Variants in NPHP3 observed in about 807,000 individuals in gnomAD.
NPHP3 encodes nephrocystin-3.
NPHP3 carries 123 observed loss-of-function variants against 171.9 expected under a neutral mutation model. The ratio of observed to expected loss-of-function variants is 0.72; its 90% CI spans 0.62 to 0.83. The LOEUF (loss-of-function observed/expected upper bound fraction) is 0.83, where lower values mean the gene tolerates loss of function less well. Among genes scored for constraint, NPHP3 ranks in the 40% least tolerant of loss-of-function variants. The probability of loss-of-function intolerance (pLI) is 0.00; values close to 1 mark genes in which losing one functional copy is unlikely to be tolerated. For synonymous variants in NPHP3, 558 were observed against 579.2 expected (o/e 0.96, Z 0.52); for missense variants, 1,506 against 1,591.9 (o/e 0.95, Z 0.92).
chr3:132,703,117 T>C (rs1203539988), intron 9 of NPHP3, among the ~76,000 whole-genome samples: 2 of 152,254 alleles, frequency 1.3e-5, no homozygotes, highest in African/African-American at 4.8e-5. Context: ...GCACTTTATG[T>C]GCATTATCTG....
At chr3:132,694,508 A>G (rs954222581) in intron 16 of NPHP3, among the ~76,000 whole-genome samples, 1 of 152,078 alleles carries the variant, frequency 6.6e-6, no homozygotes, top group Non-Finnish European at 1.5e-5. Context: ...ATTTTCTAAT[A>G]AAGGATTTGT....
intron 21 of NPHP3, among the ~76,000 whole-genome samples, chr3:132,688,323 C>T (rs1333408486): frequency 6.6e-6 from 1 of 152,152 alleles, no homozygotes; most frequent in East Asian, 1.9e-4. Context: ...ATTCTGAAAT[C>T]TGAACAAATC....
intron 12 of NPHP3, 26 bp downstream of exon 12, chr3:132,699,892 A>G: frequency 6.2e-7 from 1 of 1,611,788 alleles, no homozygotes; most frequent in South Asian, 1.1e-5. Context: ...TGAGCATATC[A>G]ATAGGTAACA....
At chr3:132,706,797 G>C (rs1169205532) in intron 7 of NPHP3, among the ~76,000 whole-genome samples, 1 of 152,070 alleles carries the variant, frequency 6.6e-6, no homozygotes, top group African/African-American at 2.4e-5. Flanking sequence ...AGAATAAATA[G>C]AATAAAAAAG....
intron 23 of NPHP3, 99 bp downstream of exon 23, chr3:132,686,161 C>A (rs1421682503): frequency 7.4e-7 from 1 of 1,348,518 alleles, no homozygotes; most frequent in Non-Finnish European, 1.1e-6. Context: ...TGGTTTTTAT[C>A]ATTTTTTTTC....
chr3:132,713,264 C>G lies in NPHP3; in HGVS notation c.980G>C (p.Arg327Thr). The change falls in exon 6 of 27, where the codon AGA becomes ACA. Residue 327 changes from arginine to threonine, a missense_variant. Arg to Thr is a moderately conservative substitution (Grantham distance 71). Coordinates refer to ENST00000337331, the MANE Select transcript of NPHP3 (RefSeq NM_153240.5). The part of the protein sequence containing the change: ...FLKDYSPKLK[R>T]MCETMGYFFH... ...AAAATATCCCATTGTCTCGCACATT[C>G]TCTTAAGTTTAGGTGAATAGTCCTA... is the stretch of plus-strand genomic sequence containing the variant. The G allele has an allele frequency of 6.2e-7, 1 of 1,602,412 alleles. No homozygotes were observed. The highest frequency in any genetic ancestry group is 8.5e-7 in the Non-Finnish European group (1 of 1,174,316).
chr3:132,705,217 T>C (rs1939714988), intron 8 of NPHP3, among the ~76,000 whole-genome samples: 1 of 152,074 alleles, frequency 6.6e-6, no homozygotes, highest in Non-Finnish European at 1.5e-5. Flanking sequence ...AACACAAACA[T>C]AGACATAATA....
In NPHP3 at chr3:132,716,343, T is replaced by C. The variant is rs189476850; in HGVS notation, c.823+414A>G. Among the ~76,000 whole-genome samples the C allele has an allele frequency of 1.3e-3, 205 of 152,368 alleles. 2 individuals are homozygous for C. The highest frequency in any genetic ancestry group is 4.3e-3 in the African/African-American group (178 of 41,594). On this transcript the variant is annotated intron_variant, in intron 4 of 26. Coordinates refer to ENST00000337331, the MANE Select transcript of NPHP3 (RefSeq NM_153240.5). The stretch of plus-strand genomic sequence containing the variant: ...CAGTGGTTGAGTGGATCTGTGGATA[T>C]AGAAGGAAAACTGTACTATATTACC...
At chr3:132,714,602 A>G (rs1939999732) in intron 5 of NPHP3, among the ~76,000 whole-genome samples, 1 of 152,048 alleles carries the variant, frequency 6.6e-6, no homozygotes, top group African/African-American at 2.4e-5. Context: ...GGTGGTGTGT[A>G]CCTGTAGTCC....
rs1939562164 is a variant in NPHP3 at position 132,699,946 on chromosome 3, A to G, written c.1859T>C (p.Ile620Thr). 2 of 1,614,192 alleles carry G rather than the reference A, an allele frequency of 1.2e-6. No individual in the cohort carries two copies. Among genetic ancestry groups the G allele is most frequent in the Non-Finnish European group, 1.7e-6 (2 of 1,180,032 alleles). The change falls in exon 12 of 27, where the codon ATC becomes ACC. Residue 620 changes from isoleucine (I) to threonine (T), a missense_variant. Ile to Thr is a moderately conservative substitution (Grantham distance 89). Transcript: ENST00000337331. ...AACTTGATCTATAGAATCAATAACG[A>G]TGATGATGCTGCCTTGATGACGAGC... ...LSARHQGSII[I>T]VIDSIDQVQQ...
Position 132,690,526 on chromosome 3 carries a change from A to G in NPHP3, c.2693+2T>C. 6.2e-7 allele frequency: 1 copy of G among 1,612,266 alleles called. No homozygotes were observed. Among genetic ancestry groups the G allele is most frequent in the South Asian group, 1.1e-5 (1 of 91,038 alleles). ...GGAAAGATGTTCTATAATGTTTCTT[A>G]CCTTTTATAAAGGTTTTGAGACACA... On this transcript the variant is annotated splice_donor_variant, in intron 19 of 26. Coordinates refer to ENST00000337331, the MANE Select transcript of NPHP3 (RefSeq NM_153240.5). LOFTEE classifies it high-confidence loss of function.
intron 10 of NPHP3, among the ~76,000 whole-genome samples, chr3:132,700,930 G>A (rs1939589904): frequency 6.6e-6 from 1 of 152,066 alleles, no homozygotes; most frequent in South Asian, 2.1e-4. Flanking sequence ...AAGTTTATTA[G>A]CTTATATGAA....
rs750728720 is a variant in NPHP3 at position 132,713,145 on chromosome 3, TAAATA to T, written c.1094_1098del (p.Leu365TyrfsTer14). The T allele has an allele frequency of 6.8e-7, 1 of 1,469,770 alleles. No homozygotes were observed. Among genetic ancestry groups the T allele is most frequent in the Admixed American group, 1.8e-5 (1 of 54,440 alleles). The allele number at this position is 1,469,770 out of a possible 1,614,324, so 91.0% of individuals were successfully genotyped here. ...GCTTACCTTGGTAATGTTAAGTGAATAAATAAAATAACTAAAGAACTTTTCTCAAT... is the reference window on the plus strand; with the variant it reads ...GCTTACCTTGGTAATGTTAAGTGAATAAATAACTAAAGAACTTTTCTCAAT... On this transcript the variant is annotated frameshift_variant, in exon 6 of 27. Coordinates refer to ENST00000337331, the MANE Select transcript of NPHP3 (RefSeq NM_153240.5). LOFTEE classifies it high-confidence loss of function.
In NPHP3 at chr3:132,687,170, A is replaced by G; in HGVS notation, c.3182T>C (p.Ile1061Thr). 6.8e-7 allele frequency: 1 copy of G among 1,475,642 alleles called. No individual in the cohort carries two copies. The highest frequency in any genetic ancestry group is 2.3e-5 in the East Asian group (1 of 43,978). The allele number at this position is 1,475,642 out of a possible 1,614,324, so 91.4% of individuals were successfully genotyped here. A position where few individuals can be genotyped will look rare whatever the true frequency, so the allele number is the denominator to read the frequency against. ...CCTTACCAAGTTGCCTTTTTTCTTT[A>G]TAGCTTTCTGATGAATTTTAAAGGA... ...KKSFKIHQKA[I>T]KKKGNLYGFA... Residue 1061 changes from isoleucine (I) to threonine (T), a missense_variant, in exon 22 of 27, where the codon ATA (isoleucine) becomes ACA (threonine). Around this residue, in one of 3 missense-constraint regions of NPHP3, gnomAD observed 569 missense variants for 648.1 expected, o/e 0.88. Transcript: ENST00000337331.
In NPHP3 at chr3:132,707,472, T is replaced by TA. The variant is rs909595334; in HGVS notation, c.1275+628dup. Among the ~76,000 whole-genome samples the TA allele has an allele frequency of 2.2e-4, 33 of 147,342 alleles. No individual in the cohort carries two copies. The East Asian group carries it at 2.4e-3, about 11-fold the overall frequency. On this transcript the variant is annotated intron_variant, in intron 7 of 26. Transcript: ENST00000337331. ...GGTGACAGAGTGAGACTCTGTCTCT[T>TA]AAAAAAAAAAGTCTCCTCCTGACAC... is the stretch of plus-strand genomic sequence containing the variant.
rs774784395 is a variant in NPHP3 at position 132,722,304 on chromosome 3, C to T, written c.52G>A (p.Asp18Asn). 1 of 1,581,836 alleles carries T rather than the reference C, an allele frequency of 6.3e-7. No individual in the cohort carries two copies. The highest frequency in any genetic ancestry group is 1.1e-5 in the South Asian group (1 of 89,150). ...VSPAGGEVIEDTYGAGGGEAC... is the reference protein window; with the variant it reads ...VSPAGGEVIENTYGAGGGEAC... ...TCGCCGCCGCCCGCCCCGTACGTGT[C>T]CTCGATCACTTCCCCGCCCGCGGGG... is the stretch of plus-strand genomic sequence containing the variant. The change falls in exon 1 of 27, where the codon GAC becomes AAC. Residue 18 changes from aspartate (D) to asparagine (N), a missense_variant. Coordinates refer to ENST00000337331, the MANE Select transcript of NPHP3 (RefSeq NM_153240.5).
In NPHP3 at chr3:132,692,891, T is replaced by A. The variant is rs1042884952; in HGVS notation, c.2311-73A>T. On this transcript the variant is annotated intron_variant, in intron 16 of 26. Transcript: ENST00000337331. ...TAACTAACGGCCATTAAAAGTTCCA[T>A]AATTCTTTTAAGGCTATTTCTTTTT... 5 of 1,234,278 alleles carry A rather than the reference T, an allele frequency of 4.1e-6. No individual in the cohort carries two copies. The Admixed American group carries it at 7.2e-5, about 18-fold the overall frequency. The allele number at this position is 1,234,278 out of a possible 1,614,324, so 76.5% of individuals were successfully genotyped here.
chr3:132,700,050 G>A lies in NPHP3; in HGVS notation c.1755C>T (p.His585=), dbSNP rs1389871098. Residue 585 remains histidine (H), a synonymous_variant, in exon 12 of 27, where the codon CAC becomes CAT. Transcript: ENST00000337331. The part of the protein sequence containing the change: ...IKRLTLKLMQ[H]SWSVSALTLD... ...GTGTCAGAGCAGAGACTGACCAAGAGTGCTGCATCAACTACAAGATAAGAA... is the reference window on the plus strand; with the variant it reads ...GTGTCAGAGCAGAGACTGACCAAGAATGCTGCATCAACTACAAGATAAGAA... 6.2e-7 allele frequency: 1 copy of A among 1,614,108 alleles called. No homozygotes were observed. The highest frequency in any genetic ancestry group is 1.1e-5 in the South Asian group (1 of 91,086).
Position 132,700,077 on chromosome 3 carries a change from A to G in NPHP3, c.1744-16T>C. 1 of 1,613,770 alleles carries G rather than the reference A, an allele frequency of 6.2e-7. No homozygotes were observed. Among genetic ancestry groups the G allele is most frequent in the South Asian group, 1.1e-5 (1 of 91,064 alleles). ...GCTGCATCAACTACAAGATAAGAAC[A>G]CACACAAACTGAAGTAGTTACACGT... On this transcript the variant is annotated splice_polypyrimidine_tract_variant and intron_variant, in intron 11 of 26. Transcript: ENST00000337331.
Sources: gnomAD v4.1 joint callset for allele counts (sites outside exome capture counted in the v4.1 genomes callset) on GRCh38, gnomAD v4.1.1 for gene constraint, gnomAD v4.1.1 regional missense constraint, MANE v1.5 for transcripts, NCBI Gene and HGNC (gene_info 2026-07-23, HGNC 2026-07-21) for gene names.